Variants in TMOD1 observed in about 807,000 individuals in gnomAD.
TMOD1 encodes the protein tropomodulin-1.
In TMOD1, 17 loss-of-function variants were observed where a neutral mutation model predicts 40.6. The ratio of observed to expected loss-of-function variants is 0.42; its 90% CI spans 0.29 to 0.63. The LOEUF is 0.63. Among genes scored for constraint, TMOD1 ranks in the 20% least tolerant of loss-of-function variants. The pLI, the probability that TMOD1 is intolerant of heterozygous loss-of-function variation, is 0.22. For missense variants in TMOD1, 391 were observed against 447.6 expected (o/e 0.87, Z 1.14); for synonymous variants, 181 against 175.0 (o/e 1.03, Z -0.27).
chr9:97,558,574 G>T (rs1563990174), intron 4 of TMOD1, among the ~76,000 whole-genome samples: 1 of 152,144 alleles, frequency 6.6e-6, no homozygotes, highest in Non-Finnish European at 1.5e-5. Flanking sequence ...CTCCCAAGTA[G>T]CTGGGATCAC....
At chr9:97,598,743 T>C (rs1826173628) in intron 9 of TMOD1, among the ~76,000 whole-genome samples, 1 of 152,192 alleles carries the variant, frequency 6.6e-6, no homozygotes, top group African/African-American at 2.4e-5. Context: ...CTCGTATTCA[T>C]CGATCTGGTG....
At chr9:97,567,190 T>C (rs1163092395) in intron 7 of TMOD1, among the ~76,000 whole-genome samples, 1 of 152,250 alleles carries the variant, frequency 6.6e-6, no homozygotes, top group Admixed American at 6.5e-5. Flanking sequence ...CAGATCTCCA[T>C]GGTTCCTTGC....
intron 1 of TMOD1, among the ~76,000 whole-genome samples, chr9:97,514,729 C>A (rs1033559032): frequency 6.6e-6 from 1 of 152,222 alleles, no homozygotes. Flanking sequence ...GTTGTAATAC[C>A]GTTGGGAATT....
At position 97,535,741 on chromosome 9, in the gene TMOD1, G is replaced by C. The variant is rs1213752038; in HGVS notation, c.121-10444G>C. ...AGAGACTGTGCTGCTATGACAAATA[G>C]GTACCACCACAAGCAATTATTGGGT... is the stretch of plus-strand genomic sequence containing the variant. On this transcript the variant is annotated intron_variant, in intron 2 of 9. Coordinates refer to ENST00000259365, the MANE Select transcript of TMOD1 (RefSeq NM_003275.4). 2.6e-5 allele frequency among the ~76,000 whole-genome samples: 4 copies of C among 152,230 alleles called. No individual in the cohort carries two copies. In the East Asian group the frequency reaches 7.7e-4, roughly 29 times the overall value.
At chr9:97,535,035 G>A (rs1361715715) in intron 2 of TMOD1, among the ~76,000 whole-genome samples, 1 of 152,222 alleles carries the variant, frequency 6.6e-6, no homozygotes, top group African/African-American at 2.4e-5. Flanking sequence ...GCTACTTGAT[G>A]AAGGGAAGAG....
intron 8 of TMOD1, among the ~76,000 whole-genome samples, chr9:97,588,227 G>A (rs1424455394): frequency 6.6e-6 from 1 of 152,168 alleles, no homozygotes. Context: ...ATGTATGAGG[G>A]TGCCACTTTC....
chr9:97,551,687 A>G (rs544329430), intron 3 of TMOD1, among the ~76,000 whole-genome samples: 3 of 152,332 alleles, frequency 2.0e-5, no homozygotes, highest in Admixed American at 6.5e-5. Context: ...GTAATTCCAT[A>G]TGAATTTAAG....
intron 2 of TMOD1, among the ~76,000 whole-genome samples, chr9:97,544,575 C>T (rs1830331420): frequency 1.3e-5 from 2 of 151,656 alleles, no homozygotes; most frequent in South Asian, 4.2e-4. Flanking sequence ...ATTCCTTAAA[C>T]AGTAGTATTC....
intron 3 of TMOD1, among the ~76,000 whole-genome samples, chr9:97,546,929 C>CAAAAAAA (rs71308254): frequency 7.2e-5 from 4 of 55,192 alleles, no homozygotes; most frequent in Non-Finnish European, 1.3e-4. Flanking sequence ...ACTCCGTCTC[C>CAAAAAAA]AAAAAAAAAA....
At chr9:97,595,654 G>C (rs1184616548) in intron 9 of TMOD1, among the ~76,000 whole-genome samples, 1 of 150,002 alleles carries the variant, frequency 6.7e-6, no homozygotes, top group Non-Finnish European at 1.5e-5. Flanking sequence ...TTTGGGTATT[G>C]TGAATGATGC....
chr9:97,599,973 T>G lies in TMOD1; in HGVS notation c.*275T>G. The G allele has an allele frequency of 1.6e-6, 2 of 1,219,796 alleles. No individual in the cohort carries two copies. Among genetic ancestry groups the G allele is most frequent in the South Asian group, 2.1e-5 (1 of 47,866 alleles). The allele number at this position is 1,219,796 out of a possible 1,614,324, so 75.6% of individuals were successfully genotyped here. A position where few individuals can be genotyped will look rare whatever the true frequency, so the allele number is the denominator to read the frequency against. On this transcript the variant is annotated 3_prime_UTR_variant, in exon 10 of 10. Transcript: ENST00000259365. ...CAGCAGATCTTACTGAAGATGATGT[T>G]CCAGCAGCAGCGACTTAGCCCCAGG...
intron 6 of TMOD1, 92 bp from the exon 7 acceptor site, chr9:97,565,756 A>G: frequency 9.8e-7 from 1 of 1,015,474 alleles, no homozygotes; most frequent in Non-Finnish European, 1.5e-6. Flanking sequence ...GAGACTTGCC[A>G]GGAATCAGAG....
chr9:97,567,287 G>A (rs893310343), intron 7 of TMOD1, among the ~76,000 whole-genome samples: 1 of 152,288 alleles, frequency 6.6e-6, no homozygotes. Flanking sequence ...CTGGCCCTCA[G>A]CTCAGGTCCA....
intron 2 of TMOD1, among the ~76,000 whole-genome samples, chr9:97,533,949 C>A (rs1830140627): frequency 6.6e-6 from 1 of 152,186 alleles, no homozygotes; most frequent in Non-Finnish European, 1.5e-5. Flanking sequence ...TTGTCCAGCT[C>A]ATCTTTCTGC....
intron 1 of TMOD1, among the ~76,000 whole-genome samples, chr9:97,508,267 C>T (rs773679226): frequency 1.3e-5 from 2 of 152,056 alleles, no homozygotes; most frequent in Non-Finnish European, 2.9e-5. Flanking sequence ...CAGCTCACTG[C>T]AACCTCCGCC....
At chr9:97,542,844 C>T (rs534432945) in intron 2 of TMOD1, among the ~76,000 whole-genome samples, 6 of 119,348 alleles carry the variant, frequency 5.0e-5, no homozygotes, top group African/African-American at 2.1e-4. Context: ...AGTGAGACTC[C>T]ATCTCAAAAA....
Position 97,526,015 on chromosome 9 carries a change from C to G in TMOD1, c.120+1707C>G, listed in dbSNP as rs112102657. On this transcript the variant is annotated intron_variant, in intron 2 of 9. Transcript: ENST00000259365. Reference sequence around the variant, plus strand: ...TGATTCCCTGACCCATGAATCCTAGCTATGGGAGAAATGGCATCCGCAATT... The same window carrying G: ...TGATTCCCTGACCCATGAATCCTAGGTATGGGAGAAATGGCATCCGCAATT... Among the ~76,000 whole-genome samples, 24 of 152,304 alleles carry G rather than the reference C, an allele frequency of 1.6e-4. 1 individual carries two copies. Among genetic ancestry groups the G allele is most frequent in the African/African-American group, 5.5e-4 (23 of 41,560 alleles).
intron 2 of TMOD1, among the ~76,000 whole-genome samples, chr9:97,526,161 C>T (rs1830011835): frequency 6.6e-6 from 1 of 152,234 alleles, no homozygotes; most frequent in African/African-American, 2.4e-5. Context: ...TATATCGAGC[C>T]AGCAGCTTCA....
chr9:97,586,835 G>A (rs12349801), intron 8 of TMOD1, among the ~76,000 whole-genome samples: 15,148 of 151,676 alleles, frequency 0.1, 842 homozygotes, highest in Admixed American at 0.15. Flanking sequence ...GCGCTTCCCA[G>A]GTGAGGCAAT....
Sources: allele counts gnomAD v4.1 joint callset (sites outside exome capture counted in the v4.1 genomes callset), GRCh38; gene constraint gnomAD v4.1.1; transcripts MANE v1.5; gene names NCBI Gene and HGNC (gene_info 2026-07-23, HGNC 2026-07-21).